The following IKZF3 variants were observed in gnomAD, a reference collection of about 807,000 sequenced individuals.
The protein encoded by IKZF3 is IKAROS family zinc finger 3, also known as zinc finger protein Aiolos.
In IKZF3, 10 loss-of-function variants were observed where a neutral mutation model predicts 49.0. That is an observed-to-expected ratio of 0.20 (90% CI 0.13 to 0.35). The LOEUF is 0.35. Among genes scored for constraint, IKZF3 ranks in the 10% least tolerant of loss-of-function variants. The pLI, the probability that IKZF3 is intolerant of heterozygous loss-of-function variation, is 1.00. For missense variants in IKZF3, 498 were observed against 664.8 expected (o/e 0.75, Z 2.76); for synonymous variants, 209 against 228.2 (o/e 0.92, Z 0.76).
At chr17:39,824,693 C>G (rs543145001) in intron 3 of IKZF3, among the ~76,000 whole-genome samples, 48 of 141,700 alleles carry the variant, frequency 3.4e-4, no homozygotes, top group African/African-American at 1.2e-3. Flanking sequence ...GATCTGATGG[C>G]TTTTTTTTTT....
chr17:39,830,211 C>A (rs2062072984), intron 2 of IKZF3, among the ~76,000 whole-genome samples: 1 of 152,210 alleles, frequency 6.6e-6, no homozygotes, highest in African/African-American at 2.4e-5. Flanking sequence ...GGAGGAAGAT[C>A]TGTAAGCTTT....
intron 3 of IKZF3, among the ~76,000 whole-genome samples, chr17:39,793,260 G>C (rs979033226): frequency 2.0e-5 from 3 of 152,162 alleles, no homozygotes; most frequent in Non-Finnish European, 4.4e-5. Flanking sequence ...CCAGTACTAG[G>C]GGAGAGGAAG....
At position 39,864,159 on chromosome 17, in the gene IKZF3, T is replaced by C; in HGVS notation, c.-33A>G. 3 of 1,611,514 alleles carry C rather than the reference T, an allele frequency of 1.9e-6. No homozygotes were observed. Among genetic ancestry groups the C allele is most frequent in the Non-Finnish European group, 8.5e-7 (1 of 1,178,958 alleles). ...CCGGGCCGGGCTGGAGCTGCCGCTG[T>C]GGCTACTCGGCCTCTCCACGTGCTC... On this transcript the variant is annotated 5_prime_UTR_variant, in exon 1 of 8. Coordinates refer to ENST00000346872, the MANE Select transcript of IKZF3 (RefSeq NM_012481.5).
chr17:39,833,817 C>T (rs1348973013), intron 1 of IKZF3, among the ~76,000 whole-genome samples: 2 of 152,046 alleles, frequency 1.3e-5, no homozygotes, highest in Non-Finnish European at 2.9e-5. Flanking sequence ...CCCATATACC[C>T]CACACCCAAT....
intron 3 of IKZF3, among the ~76,000 whole-genome samples, chr17:39,825,085 T>G (rs1277749738): frequency 6.6e-6 from 1 of 152,178 alleles, no homozygotes; most frequent in Non-Finnish European, 1.5e-5. Context: ...CTGCCATGAT[T>G]GTAAGTTTTC....
chr17:39,793,534 G>A (rs188019278), intron 3 of IKZF3, among the ~76,000 whole-genome samples: 1 of 152,334 alleles, frequency 6.6e-6, no homozygotes, highest in East Asian at 1.9e-4. Flanking sequence ...GACTGTAGAG[G>A]AAGTTGTCAG....
chr17:39,858,801 T>A (rs545939910), intron 1 of IKZF3, among the ~76,000 whole-genome samples: 14 of 151,974 alleles, frequency 9.2e-5, no homozygotes, highest in African/African-American at 3.4e-4. Flanking sequence ...TGGACTTACA[T>A]TTTTTGTTGT....
intron 3 of IKZF3, among the ~76,000 whole-genome samples, chr17:39,807,645 G>C: frequency 7.4e-6 from 1 of 134,686 alleles, no homozygotes; most frequent in Non-Finnish European, 1.5e-5. Flanking sequence ...CCAGGAGTTT[G>C]AGACCAGCCT....
At chr17:39,802,079 G>A (rs779651621) in intron 3 of IKZF3, among the ~76,000 whole-genome samples, 15 of 151,622 alleles carry the variant, frequency 9.9e-5, no homozygotes, top group Admixed American at 2.6e-4. Flanking sequence ...AAAATTAGCC[G>A]GGCATGGTGA....
intron 7 of IKZF3, among the ~76,000 whole-genome samples, chr17:39,767,288 C>T (rs1050281581): frequency 6.6e-6 from 1 of 152,180 alleles, no homozygotes; most frequent in African/African-American, 2.4e-5. Context: ...CCCTCTCCTA[C>T]TTCTCATGTC....
At chr17:39,857,129 G>A (rs1031716560) in intron 1 of IKZF3, among the ~76,000 whole-genome samples, 3 of 152,128 alleles carry the variant, frequency 2.0e-5, no homozygotes, top group Admixed American at 6.5e-5. Flanking sequence ...TCTTAACTAA[G>A]AGATAGAGGT....
intron 1 of IKZF3, among the ~76,000 whole-genome samples, chr17:39,853,765 G>T (rs561896421): frequency 6.6e-5 from 10 of 151,104 alleles, no homozygotes; most frequent in Non-Finnish European, 1.5e-4. Flanking sequence ...GACCTGAGAG[G>T]TGAAGGTTGT....
chr17:39,794,525 T>C (rs548584658), intron 3 of IKZF3, among the ~76,000 whole-genome samples: 15 of 152,292 alleles, frequency 9.8e-5, no homozygotes, highest in Non-Finnish European at 1.6e-4. Context: ...GTTTGCTTAA[T>C]AGAGCAAGAC....
chr17:39,848,858 A>G (rs1336891381), intron 1 of IKZF3, among the ~76,000 whole-genome samples: 1 of 151,996 alleles, frequency 6.6e-6, no homozygotes, highest in Admixed American at 6.6e-5. Flanking sequence ...TTTTAAAAAA[A>G]TGTTTGGAGA....
At chr17:39,809,245 C>T in intron 3 of IKZF3, among the ~76,000 whole-genome samples, 1 of 152,158 alleles carries the variant, frequency 6.6e-6, no homozygotes, top group Non-Finnish European at 1.5e-5. Context: ...GACAGTATCA[C>T]CCAGTGCAGA....
At chr17:39,855,890 C>A (rs2063025747) in intron 1 of IKZF3, among the ~76,000 whole-genome samples, 2 of 151,670 alleles carry the variant, frequency 1.3e-5, no homozygotes, top group South Asian at 4.2e-4. Flanking sequence ...AAGAAATGCC[C>A]CAACTTTATT....
intron 3 of IKZF3, among the ~76,000 whole-genome samples, chr17:39,795,244 C>T (rs368864996): frequency 7.9e-5 from 12 of 152,198 alleles, no homozygotes; most frequent in Admixed American, 3.3e-4. Flanking sequence ...GCAAGGAAGA[C>T]AGTATTTGAG....
At chr17:39,844,051 T>C (rs181309426) in intron 1 of IKZF3, among the ~76,000 whole-genome samples, 1 of 152,234 alleles carries the variant, frequency 6.6e-6, no homozygotes, top group East Asian at 1.9e-4. Flanking sequence ...AACATCTTAG[T>C]TTTTAATTAA....
At chr17:39,811,315 GAAGGAA>G (rs2061552280) in intron 3 of IKZF3, among the ~76,000 whole-genome samples, 1 of 140,468 alleles carries the variant, frequency 7.1e-6, no homozygotes, top group Non-Finnish European at 1.5e-5. Flanking sequence ...GAGAAAGAGA[GAAGGAA>G]AGAAAGAAAG....
Sources: allele counts gnomAD v4.1 joint callset (sites outside exome capture counted in the v4.1 genomes callset), GRCh38; gene constraint gnomAD v4.1.1; transcripts MANE v1.5; gene names NCBI Gene and HGNC (gene_info 2026-07-23, HGNC 2026-07-21).